Variants in QSOX1 observed in about 807,000 individuals in gnomAD.
The protein encoded by QSOX1 is quiescin sulfhydryl oxidase 1, also known as sulfhydryl oxidase 1.
QSOX1 carries 40 observed loss-of-function variants against 76.1 expected under a neutral mutation model. The ratio of observed to expected loss-of-function variants is 0.53; its 90% CI spans 0.41 to 0.68. The LOEUF (loss-of-function observed/expected upper bound fraction) is 0.68, where lower values mean the gene tolerates loss of function less well. Among genes scored for constraint, QSOX1 ranks in the 30% least tolerant of loss-of-function variants. The probability of loss-of-function intolerance (pLI) is 0.00; values close to 1 mark genes in which losing one functional copy is unlikely to be tolerated. For missense variants in QSOX1, 931 were observed against 974.3 expected (o/e 0.96, Z 0.59); for synonymous variants, 392 against 413.1 (o/e 0.95, Z 0.62).
At position 180,186,154 on chromosome 1, in the gene QSOX1, T is replaced by C. The variant is rs565169426; in HGVS notation, c.989T>C (p.Leu330Pro). The change falls in exon 8 of 12, where the codon CTG (leucine) becomes CCG (proline). Residue 330 changes from leucine (L) to proline (P), a missense_variant. Physicochemically the swap from Leu to Pro is moderately conservative, Grantham distance 98. Transcript: ENST00000367602. ...CTGGAAGGGCAGCGCCTGGTGGCCC[T>C]GAAAAAGTTTGTGGCAGTGCTGGCC... ...PVLEGQRLVA[L>P]KKFVAVLAKY... is the part of the protein sequence containing the mutation. The C allele has an allele frequency of 1.2e-6, 2 of 1,613,814 alleles. No individual in the cohort carries two copies. The highest frequency in any genetic ancestry group is 1.3e-5 in the African/African-American group (1 of 75,048).
rs1486153645 is a variant in QSOX1, at chr1:180,198,492, C to T, written c.*1455C>T. 4.7e-6 allele frequency: 2 copies of T among 427,250 alleles called. No homozygotes were observed. The highest frequency in any genetic ancestry group is 9.7e-6 in the Non-Finnish European group (2 of 206,178). 26.5% of individuals were successfully genotyped at this position (427,250 alleles called of 1,614,324 possible). A position where few individuals can be genotyped will look rare whatever the true frequency, so the allele number is the denominator to read the frequency against. On this transcript the variant is annotated 3_prime_UTR_variant, in exon 12 of 12. Transcript: ENST00000367602. ...GAACCTCATTAAGGGGGAGCAGGAG[C>T]CTCAATCCGATTTGGTTTTCTCTTT...
At chr1:180,189,238 C>T (rs1473029157) in intron 8 of QSOX1, among the ~76,000 whole-genome samples, 3 of 152,144 alleles carry the variant, frequency 2.0e-5, no homozygotes, top group Middle Eastern at 3.2e-3. Flanking sequence ...GGCACATGGT[C>T]GGGGGGTGCT....
chr1:180,172,470 C>G (rs1662785174), intron 2 of QSOX1, among the ~76,000 whole-genome samples: 1 of 152,128 alleles, frequency 6.6e-6, no homozygotes, highest in Non-Finnish European at 1.5e-5. Flanking sequence ...GGTTCCTGGT[C>G]AGACTCCAAG....
intron 10 of QSOX1, among the ~76,000 whole-genome samples, chr1:180,192,908 G>A (rs1435205702): frequency 6.6e-6 from 1 of 152,146 alleles, no homozygotes; most frequent in Admixed American, 6.5e-5. Flanking sequence ...AGCAAAGGAG[G>A]CTGAACGGGG....
At chr1:180,155,401 C>G (rs1014205971) in intron 1 of QSOX1, among the ~76,000 whole-genome samples, 8 of 152,196 alleles carry the variant, frequency 5.3e-5, no homozygotes, top group Non-Finnish European at 1.2e-4. Context: ...CTTTCCCTCT[C>G]CGCGGCCTGG....
intron 8 of QSOX1, among the ~76,000 whole-genome samples, chr1:180,187,048 C>T (rs2319652): frequency 0.76 from 115,669 of 152,236 alleles, 44,216 homozygotes; most frequent in Non-Finnish European, 0.78. Flanking sequence ...CCCTGGGGCC[C>T]GGATCTGAGC....
chr1:180,161,072 T>A (rs1424104304), intron 1 of QSOX1, among the ~76,000 whole-genome samples: 1 of 152,032 alleles, frequency 6.6e-6, no homozygotes, highest in Non-Finnish European at 1.5e-5. Flanking sequence ...CTACCAAAGA[T>A]AATCAGGGTA....
rs1368718756 is a variant in QSOX1, at chr1:180,193,191, A to T, written c.1289-1022A>T. On this transcript the variant is annotated intron_variant, in intron 10 of 11. Coordinates refer to ENST00000367602, the MANE Select transcript of QSOX1 (RefSeq NM_002826.5). Reference sequence around the variant, plus strand: ...TTTTCCCCAGTTGGAATGATCCCTTATCAGGGGATAAATGGATGACGCAGT... The same window carrying T: ...TTTTCCCCAGTTGGAATGATCCCTTTTCAGGGGATAAATGGATGACGCAGT... 3.9e-5 allele frequency among the ~76,000 whole-genome samples: 6 copies of T among 152,122 alleles called. No homozygotes were observed. The South Asian group carries it at 6.2e-4, about 16-fold the overall frequency.
intron 10 of QSOX1, among the ~76,000 whole-genome samples, chr1:180,193,229 C>T (rs10913943): frequency 0.25 from 38,117 of 151,820 alleles, 5,154 homozygotes; most frequent in African/African-American, 0.33. Flanking sequence ...AGAAAAAACA[C>T]TAACGGGAGT....
At chr1:180,192,602 G>A (rs1663345347) in intron 10 of QSOX1, among the ~76,000 whole-genome samples, 1 of 152,160 alleles carries the variant, frequency 6.6e-6, no homozygotes, top group Non-Finnish European at 1.5e-5. Context: ...TGGGAAGCAG[G>A]ACTCGGGTGG....
intron 4 of QSOX1, among the ~76,000 whole-genome samples, chr1:180,177,792 C>T (rs528940369): frequency 5.3e-5 from 8 of 152,316 alleles, no homozygotes; most frequent in Admixed American, 2.6e-4. Context: ...GCACTCTGGC[C>T]CTCACCTGTC....
intron 1 of QSOX1, among the ~76,000 whole-genome samples, chr1:180,163,116 T>C (rs186590600): frequency 7.0e-4 from 106 of 151,608 alleles, no homozygotes; most frequent in African/African-American, 2.5e-3. Context: ...CAGTGTACTT[T>C]TGATATTAAG....
intron 1 of QSOX1, 70 bp downstream of exon 1, chr1:180,155,242 C>A: frequency 7.4e-7 from 1 of 1,347,162 alleles, no homozygotes; most frequent in African/African-American, 1.5e-5. Flanking sequence ...CGGTGGGCAG[C>A]CTCCTACTCC....
chr1:180,181,510 C>T (rs552568738), intron 5 of QSOX1, among the ~76,000 whole-genome samples: 2 of 152,286 alleles, frequency 1.3e-5, no homozygotes, highest in South Asian at 4.1e-4. Context: ...TCAGAGTTAG[C>T]CTGCTGTTTA....
chr1:180,183,488 A>C (rs992117422), intron 6 of QSOX1, among the ~76,000 whole-genome samples: 9 of 152,048 alleles, frequency 5.9e-5, no homozygotes, highest in African/African-American at 2.2e-4. Flanking sequence ...GGGTAATGTC[A>C]CTTATAGTAC....
Position 180,197,428 on chromosome 1 carries a change from C to G in QSOX1, c.*391C>G. 1.3e-6 allele frequency: 2 copies of G among 1,590,384 alleles called. No individual in the cohort carries two copies. The highest frequency in any genetic ancestry group is 1.7e-6 in the Non-Finnish European group (2 of 1,160,920). On this transcript the variant is annotated 3_prime_UTR_variant, in exon 12 of 12. Transcript: ENST00000367602. The stretch of plus-strand genomic sequence containing the variant: ...GGCAAGTGAAGCCAGAGGAGGGTCC[C>G]CCAGCTGGGTGGGCTGGAATGGAAC...
chr1:180,176,020 C>T lies in QSOX1; in HGVS notation c.502C>T (p.Leu168=). The part of the protein sequence containing the change: ...HDTWPPACPP[L]EPAKLEEIDG... The stretch of plus-strand genomic sequence containing the variant: ...CACGTGGCCCCCAGCCTGTCCCCCA[C>T]TGGAGCCTGCCAAGTACTTTGGGCT... The change falls in exon 4 of 12, where the codon CTG becomes TTG. Residue 168 remains leucine (L), a synonymous_variant. Coordinates refer to ENST00000367602, the MANE Select transcript of QSOX1 (RefSeq NM_002826.5). 2 of 1,594,440 alleles carry T rather than the reference C, an allele frequency of 1.3e-6. No individual in the cohort carries two copies. The highest frequency in any genetic ancestry group is 1.7e-6 in the Non-Finnish European group (2 of 1,170,866).
intron 7 of QSOX1, among the ~76,000 whole-genome samples, chr1:180,185,001 G>C (rs1212895246): frequency 6.6e-6 from 1 of 152,180 alleles, no homozygotes; most frequent in Non-Finnish European, 1.5e-5. Flanking sequence ...TTGGGCTGGT[G>C]TATGTGCCAG....
In QSOX1 at chr1:180,186,239, T is replaced by C. The variant is rs552385046; in HGVS notation, c.1017+57T>C. ...CAATTCTACGGATGGTCAGTGTGCG[T>C]TCCTGTAAGGCTGGGCACCCCGTCA... On this transcript the variant is annotated intron_variant, in intron 8 of 11. Coordinates refer to ENST00000367602, the MANE Select transcript of QSOX1 (RefSeq NM_002826.5). The C allele has an allele frequency of 1.5e-5, 21 of 1,441,326 alleles. No individual in the cohort carries two copies. The East Asian group carries it at 4.9e-4, about 34-fold the overall frequency. The allele number at this position is 1,441,326 out of a possible 1,614,324, so 89.3% of individuals were successfully genotyped here.
Sources: gnomAD v4.1 joint callset for allele counts (sites outside exome capture counted in the v4.1 genomes callset) on GRCh38, gnomAD v4.1.1 for gene constraint, MANE v1.5 for transcripts, NCBI Gene and HGNC (gene_info 2026-07-23, HGNC 2026-07-21) for gene names.